Variants in PLPPR1 observed in about 807,000 individuals in gnomAD.
The protein encoded by PLPPR1 is phospholipid phosphatase-related protein type 1.
In PLPPR1, 10 loss-of-function variants were observed where a neutral mutation model predicts 33.1. The ratio of observed to expected loss-of-function variants is 0.30; its 90% CI spans 0.19 to 0.51. The LOEUF (loss-of-function observed/expected upper bound fraction) is 0.51, where lower values mean the gene tolerates loss of function less well. PLPPR1 is among the 20% of genes least tolerant of loss of function. The probability of loss-of-function intolerance (pLI) is 0.97; values close to 1 mark genes in which losing one functional copy is unlikely to be tolerated. For synonymous variants in PLPPR1, 151 were observed against 151.0 expected (o/e 1.00, Z 0.00); for missense variants, 304 against 408.1 (o/e 0.74, Z 2.20).
chr9:101,279,942 G>T (rs1564025321), intron 3 of PLPPR1, among the ~76,000 whole-genome samples: 1 of 151,848 alleles, frequency 6.6e-6, no homozygotes, highest in Non-Finnish European at 1.5e-5. Context: ...ATTATGCAAA[G>T]AAATAATAAA....
At chr9:101,291,641 G>A (rs10123064) in intron 4 of PLPPR1, among the ~76,000 whole-genome samples, 3,084 of 152,272 alleles carry the variant, frequency 0.02, 44 homozygotes, top group Middle Eastern at 0.068. Context: ...ACGAAAATCC[G>A]CTGTTCTGCA....
chr9:101,085,543 A>C (rs1057500003), intron 1 of PLPPR1, among the ~76,000 whole-genome samples: 14 of 152,182 alleles, frequency 9.2e-5, no homozygotes, highest in Non-Finnish European at 2.9e-5. Flanking sequence ...GAAGTCTTAG[A>C]AACAAACATT....
Position 101,204,098 on chromosome 9 carries a change from C to CCTAT in PLPPR1, c.63+18544_63+18547dup, listed in dbSNP as rs544601294. Among the ~76,000 whole-genome samples, 18 of 152,206 alleles carry CCTAT rather than the reference C, an allele frequency of 1.2e-4. 1 individual carries two copies. In the South Asian group the frequency reaches 3.7e-3, roughly 32 times the overall value. ...GAATTATACCAGTATAAAAGGATTC[C>CCTAT]CTATCTTTTAGTGTTGCAGTTTACT... On this transcript the variant is annotated intron_variant, in intron 2 of 7. Transcript: ENST00000374874.
intron 2 of PLPPR1, 87 bp from the exon 3 acceptor site, chr9:101,269,793 T>C (rs1828060707): frequency 1.6e-6 from 2 of 1,277,784 alleles, no homozygotes; most frequent in Non-Finnish European, 2.3e-6. Context: ...GAGCCGCTGC[T>C]GGGGTGATGG....
intron 4 of PLPPR1, among the ~76,000 whole-genome samples, chr9:101,287,186 AAAG>A (rs747474948): frequency 5.3e-5 from 8 of 152,264 alleles, no homozygotes; most frequent in Non-Finnish European, 1.0e-4. Flanking sequence ...ATCTAATTTA[AAAG>A]AAGTAACCCT....
intron 1 of PLPPR1, among the ~76,000 whole-genome samples, chr9:101,146,847 T>C (rs1207948571): frequency 1.3e-5 from 2 of 152,236 alleles, no homozygotes; most frequent in East Asian, 3.8e-4. Flanking sequence ...ATGCTTTATA[T>C]TGCGATATTG....
rs931006446 is a variant in PLPPR1 at position 101,273,351 on chromosome 9, T to C, written c.252+3283T>C. On this transcript the variant is annotated intron_variant, in intron 3 of 7. Coordinates refer to ENST00000374874, the MANE Select transcript of PLPPR1 (RefSeq NM_207299.2). The stretch of plus-strand genomic sequence containing the variant: ...CTCTGGTAACTTGGCATATCTATTG[T>C]GGATCCCCGGAAACTATGCCTATGG... Among the ~76,000 whole-genome samples, 14 of 152,240 alleles carry C rather than the reference T, an allele frequency of 9.2e-5. No individual in the cohort carries two copies. The South Asian group carries it at 2.9e-3, about 32-fold the overall frequency.
At position 101,317,481 on chromosome 9, in the gene PLPPR1, A is replaced by G. The variant is rs1049951856; in HGVS notation, c.930A>G (p.Glu310=). Residue 310 remains glutamate, a synonymous_variant, in exon 7 of 8, where the codon GAA becomes GAG. Transcript: ENST00000374874. ...MAFPRIESPL[E]TLSAQNHSAS... Reference sequence around the variant, plus strand: ...TCCCAAGGATAGAAAGCCCTCTGGAAACCTTAAGTGCACAGGTATGGTAAA... The same window carrying G: ...TCCCAAGGATAGAAAGCCCTCTGGAGACCTTAAGTGCACAGGTATGGTAAA... 1.9e-6 allele frequency: 3 copies of G among 1,613,874 alleles called. No individual in the cohort carries two copies. Among genetic ancestry groups the G allele is most frequent in the South Asian group, 2.2e-5 (2 of 91,044 alleles).
chr9:101,130,462 C>T (rs898743020), intron 1 of PLPPR1, among the ~76,000 whole-genome samples: 1 of 152,182 alleles, frequency 6.6e-6, no homozygotes, highest in Non-Finnish European at 1.5e-5. Context: ...CAGAGGGATG[C>T]TTTAAAAACT....
intron 2 of PLPPR1, among the ~76,000 whole-genome samples, chr9:101,232,280 C>T (rs558847206): frequency 1.3e-5 from 2 of 152,048 alleles, no homozygotes; most frequent in Non-Finnish European, 2.9e-5. Context: ...ATCTCATCTG[C>T]TCTCCTGGTT....
chr9:101,306,737 G>C (rs887845079), intron 4 of PLPPR1, among the ~76,000 whole-genome samples: 1 of 152,148 alleles, frequency 6.6e-6, no homozygotes. Flanking sequence ...TAAAAAATAT[G>C]ATCTCACCTG....
chr9:101,064,766 C>A (rs538330968), intron 1 of PLPPR1, among the ~76,000 whole-genome samples: 1 of 151,914 alleles, frequency 6.6e-6, no homozygotes, highest in Non-Finnish European at 1.5e-5. Context: ...ATTGAGGGAG[C>A]GCATCTGATG....
At chr9:101,138,228 C>G (rs138701262) in intron 1 of PLPPR1, among the ~76,000 whole-genome samples, 2 of 152,302 alleles carry the variant, frequency 1.3e-5, no homozygotes, top group Admixed American at 1.3e-4. Context: ...TCCTGTGCCT[C>G]AATTTCCTCA....
At chr9:101,231,241 C>T (rs548977980) in intron 2 of PLPPR1, among the ~76,000 whole-genome samples, 43 of 147,988 alleles carry the variant, frequency 2.9e-4, no homozygotes, top group Non-Finnish European at 5.2e-4. Context: ...ATGACTATTG[C>T]GGGAAGGGAA....
intron 2 of PLPPR1, 92 bp from the exon 3 acceptor site, chr9:101,269,788 G>A (rs1005925498): frequency 2.6e-5 from 32 of 1,228,588 alleles, no homozygotes; most frequent in South Asian, 3.7e-5. Flanking sequence ...CAGGAGAGCC[G>A]CTGCTGGGGT....
chr9:101,297,345 C>T (rs7040414), intron 4 of PLPPR1, among the ~76,000 whole-genome samples: 7,418 of 152,198 alleles, frequency 0.049, 555 homozygotes, highest in African/African-American at 0.16. Flanking sequence ...TGTCTCCTCT[C>T]GTCTGTGTGG....
intron 2 of PLPPR1, among the ~76,000 whole-genome samples, chr9:101,219,213 A>G (rs1227859686): frequency 1.3e-5 from 2 of 152,216 alleles, no homozygotes; most frequent in Non-Finnish European, 2.9e-5. Flanking sequence ...TGGGGCTCCC[A>G]GACACCATGT....
At position 101,306,997 on chromosome 9, in the gene PLPPR1, C is replaced by T. The variant is rs114433053; in HGVS notation, c.386-2214C>T. On this transcript the variant is annotated intron_variant, in intron 4 of 7. Coordinates refer to ENST00000374874, the MANE Select transcript of PLPPR1 (RefSeq NM_207299.2). ...TGTGAGTTACCAGTGCAGGTTCCAC[C>T]GCGCTTTGTTGGTGTGGCCTGCATG... 7.3e-3 allele frequency among the ~76,000 whole-genome samples: 1,112 copies of T among 152,296 alleles called. 16 individuals are homozygous for T. Among genetic ancestry groups the T allele is most frequent in the African/African-American group, 0.025 (1,059 of 41,566 alleles).
intron 1 of PLPPR1, among the ~76,000 whole-genome samples, chr9:101,096,015 G>A (rs557111920): frequency 6.6e-6 from 1 of 152,274 alleles, no homozygotes; most frequent in African/African-American, 2.4e-5. Flanking sequence ...AATGACAGAA[G>A]ATGTGGTTAT....
Sources: allele counts gnomAD v4.1 joint callset (sites outside exome capture counted in the v4.1 genomes callset), GRCh38; gene constraint gnomAD v4.1.1; transcripts MANE v1.5; gene names NCBI Gene and HGNC (gene_info 2026-07-23, HGNC 2026-07-21).